Variants in REST observed in about 807,000 individuals in gnomAD.
REST encodes RE1-silencing transcription factor.
In REST, 1 loss-of-function variant was observed where a neutral mutation model predicts 30.4. The ratio of observed to expected loss-of-function variants is 0.03; its 90% CI spans 0.01 to 0.16. The LOEUF (loss-of-function observed/expected upper bound fraction) is 0.16, where lower values mean the gene tolerates loss of function less well. Among genes scored for constraint, REST ranks in the 10% least tolerant of loss-of-function variants. The pLI is 1.00. For missense variants in REST, 1,259 were observed against 1,329.5 expected (o/e 0.95, Z 0.82); for synonymous variants, 504 against 451.1 (o/e 1.12, Z -1.49).
At chr4:56,919,669 G>A in intron 2 of REST, 118 bp from the exon 3 acceptor site, 1 of 493,506 alleles carries the variant, frequency 2.0e-6, no homozygotes, top group Non-Finnish European at 3.6e-6. Flanking sequence ...GCCAGAAATA[G>A]GAAAAAAAAA....
At position 56,931,735 on chromosome 4, in the gene REST, C is replaced by T; in HGVS notation, c.2877C>T (p.Leu959=). The T allele has an allele frequency of 6.2e-7, 1 of 1,614,200 alleles. No homozygotes were observed. Among genetic ancestry groups the T allele is most frequent in the Non-Finnish European group, 8.5e-7 (1 of 1,180,028 alleles). The change falls in exon 4 of 4, where the codon CTC becomes CTT. Residue 959 remains leucine (L), a synonymous_variant. Transcript: ENST00000309042. ...MDTDQNTREN[L]TGINSTVEEP... is the part of the protein sequence containing the mutation. Reference sequence around the variant, plus strand: ...CTGATCAGAACACAAGAGAGAATCTCACTGGTATAAATTCAACAGTTGAAG... The same window carrying T: ...CTGATCAGAACACAAGAGAGAATCTTACTGGTATAAATTCAACAGTTGAAG...
At chr4:56,928,149 C>T (rs1206311046) in intron 3 of REST, among the ~76,000 whole-genome samples, 2 of 152,090 alleles carry the variant, frequency 1.3e-5, no homozygotes, top group Admixed American at 6.6e-5. Flanking sequence ...CTCTTGTCGC[C>T]CAGGCTGTAG....
rs1309039210 is a variant in REST at position 56,931,688 on chromosome 4, G to A, written c.2830G>A (p.Val944Ile). The A allele has an allele frequency of 1.2e-6, 2 of 1,614,220 alleles. No homozygotes were observed. Among genetic ancestry groups the A allele is most frequent in the Admixed American group, 1.7e-5 (1 of 60,020 alleles). Residue 944 changes from valine (V) to isoleucine (I), a missense_variant, in exon 4 of 4, where the codon GTT becomes ATT. Physicochemically the swap from Val to Ile is conservative, Grantham distance 29 (BLOSUM62 3). This residue lies in a region of REST where 856 missense variants were observed against 772.8 expected (regional missense o/e 1.11). Coordinates refer to ENST00000309042, the MANE Select transcript of REST (RefSeq NM_005612.5). Reference protein sequence around the residue: ...LNGKHQTDSIVCEMKMDTDQN... With the variant: ...LNGKHQTDSIICEMKMDTDQN... ...TGGTAAACATCAGACTGACAGTATAGTTTGTGAAATGAAAATGGACACTGA... is the reference window on the plus strand; with the variant it reads ...TGGTAAACATCAGACTGACAGTATAATTTGTGAAATGAAAATGGACACTGA...
In REST at chr4:56,919,783, G is replaced by T; in HGVS notation, c.899-4G>T. The T allele has an allele frequency of 2.5e-6, 4 of 1,588,954 alleles. No homozygotes were observed. The South Asian group carries it at 3.4e-5, about 13-fold the overall frequency. On this transcript the variant is annotated splice_polypyrimidine_tract_variant and splice_region_variant and intron_variant, in intron 2 of 3. Transcript: ENST00000309042. ...AACACTCTTATATTATTGAAATTTTGCAGGAGAACGCCCATATAAATGTGA... is the reference window on the plus strand; with the variant it reads ...AACACTCTTATATTATTGAAATTTTTCAGGAGAACGCCCATATAAATGTGA...
chr4:56,927,103 A>AG (rs1720748286), intron 3 of REST, among the ~76,000 whole-genome samples: 1 of 151,664 alleles, frequency 6.6e-6, no homozygotes, highest in African/African-American at 2.4e-5. Flanking sequence ...TCTCAAGAAA[A>AG]AAAAAAAAGA....
At chr4:56,923,762 C>G (rs1218594994) in intron 3 of REST, among the ~76,000 whole-genome samples, 1 of 150,346 alleles carries the variant, frequency 6.7e-6, no homozygotes, top group Non-Finnish European at 1.5e-5. Context: ...CTTGCTGTCG[C>G]CCAGGCTGGA....
At chr4:56,918,539 C>T (rs1335560547) in intron 2 of REST, among the ~76,000 whole-genome samples, 4 of 152,068 alleles carry the variant, frequency 2.6e-5, no homozygotes, top group African/African-American at 9.7e-5. Context: ...TTAAATTTTT[C>T]TTTTTAGCTT....
At chr4:56,912,965 T>A (rs554954771) in intron 2 of REST, among the ~76,000 whole-genome samples, 60 of 144,032 alleles carry the variant, frequency 4.2e-4, no homozygotes, top group African/African-American at 1.1e-3. Flanking sequence ...TTTTTTTTTT[T>A]AATTTCTTTT....
rs1264579931 is a variant in REST at position 56,929,835 on chromosome 4, C to T, written c.983-6C>T. 7 of 1,580,678 alleles carry T rather than the reference C, an allele frequency of 4.4e-6. No individual in the cohort carries two copies. In the South Asian group the frequency reaches 4.7e-5, roughly 11 times the overall value. On this transcript the variant is annotated splice_region_variant and splice_polypyrimidine_tract_variant and intron_variant, in intron 3 of 3. Transcript: ENST00000309042. Reference sequence around the variant, plus strand: ...GTCTTCTCTCATACTTTTGATTTGCCTTCAGGTGAGAAGCCATTTAAATGT... The same window carrying T: ...GTCTTCTCTCATACTTTTGATTTGCTTTCAGGTGAGAAGCCATTTAAATGT...
Position 56,932,165 on chromosome 4 carries a change from C to G in REST, c.*13C>G, listed in dbSNP as rs1289068538. The G allele has an allele frequency of 3.8e-6, 6 of 1,587,040 alleles. No individual in the cohort carries two copies. The highest frequency in any genetic ancestry group is 5.1e-6 in the Non-Finnish European group (6 of 1,166,800). On this transcript the variant is annotated 3_prime_UTR_variant, in exon 4 of 4. Transcript: ENST00000309042. ...AGGGCAGGAGTAATGAAACTTTGAACAAGGTTTCAGTTCTTAGTTTGTAAG... is the reference window on the plus strand; with the variant it reads ...AGGGCAGGAGTAATGAAACTTTGAAGAAGGTTTCAGTTCTTAGTTTGTAAG...
chr4:56,911,639 AG>A, intron 2 of REST, 103 bp downstream of exon 2: 1 of 973,942 alleles, frequency 1.0e-6, no homozygotes, highest in Non-Finnish European at 1.5e-6. Context: ...GTTCAAATCC[AG>A]GTTCCATTTT....
chr4:56,911,613 G>C, intron 2 of REST, 77 bp downstream of exon 2: 1 of 1,182,472 alleles, frequency 8.5e-7, no homozygotes, highest in Non-Finnish European at 1.2e-6. Flanking sequence ...AGTAGTGCTT[G>C]AGAAAAAGGA....
intron 2 of REST, among the ~76,000 whole-genome samples, 191 bp from the exon 3 acceptor site, chr4:56,919,596 A>G (rs1720358530): frequency 6.6e-6 from 1 of 152,232 alleles, no homozygotes; most frequent in Admixed American, 6.5e-5. Flanking sequence ...AGCCAAAATA[A>G]TGTAGTCATA....
rs751192765 is a variant in REST, at chr4:56,924,669, C to T, written c.982+4799C>T. On this transcript the variant is annotated intron_variant, in intron 3 of 3. Coordinates refer to ENST00000309042, the MANE Select transcript of REST (RefSeq NM_005612.5). ...TAGAGATGGAGTCTTACTATGTTGG[C>T]CCAGGCTGGTTTTGAACTCCTGGGC... Among the ~76,000 whole-genome samples the T allele has an allele frequency of 1.2e-4, 18 of 151,678 alleles. No individual in the cohort carries two copies. In the East Asian group the frequency reaches 2.7e-3, roughly 23 times the overall value.
rs1459899836 is a variant in REST, at chr4:56,919,794, C to G, written c.906C>G (p.Arg302=). The G allele has an allele frequency of 2.5e-6, 4 of 1,601,590 alleles. No individual in the cohort carries two copies. Among genetic ancestry groups the G allele is most frequent in the Non-Finnish European group, 3.4e-6 (4 of 1,170,912 alleles). ...VQHVRTHTGE[R]PYKCELCPYS... Reference sequence around the variant, plus strand: ...ATTATTGAAATTTTGCAGGAGAACGCCCATATAAATGTGAACTTTGTCCTT... The same window carrying G: ...ATTATTGAAATTTTGCAGGAGAACGGCCATATAAATGTGAACTTTGTCCTT... The change falls in exon 3 of 4, where the codon CGC becomes CGG. Residue 302 remains arginine, a synonymous_variant. Transcript: ENST00000309042.
In REST at chr4:56,930,570, A is replaced by G. The variant is rs1369415378; in HGVS notation, c.1712A>G (p.Gln571Arg). Residue 571 changes from glutamine to arginine, a missense_variant, in exon 4 of 4, where the codon CAA (glutamine) becomes CGA (arginine). Transcript: ENST00000309042. Reference sequence around the variant, plus strand: ...AGCAAAGTGGAGGAGAATAAAAAGCAAAATACTTGCATGAAAAAAAGTACA... The same window carrying G: ...AGCAAAGTGGAGGAGAATAAAAAGCGAAATACTTGCATGAAAAAAAGTACA... Reference protein sequence around the residue: ...GDSKVEENKKQNTCMKKSTKK... With the variant: ...GDSKVEENKKRNTCMKKSTKK... 1 of 1,612,230 alleles carries G rather than the reference A, an allele frequency of 6.2e-7. No homozygotes were observed. Among genetic ancestry groups the G allele is most frequent in the East Asian group, 2.2e-5 (1 of 44,884 alleles).
intron 2 of REST, among the ~76,000 whole-genome samples, chr4:56,916,404 G>A (rs1720196438): frequency 6.6e-6 from 1 of 152,202 alleles, no homozygotes; most frequent in African/African-American, 2.4e-5. Flanking sequence ...GCTCATGCCT[G>A]TAATCCCAGC....
At chr4:56,915,170 G>A (rs1216799468) in intron 2 of REST, among the ~76,000 whole-genome samples, 3 of 146,832 alleles carry the variant, frequency 2.0e-5, no homozygotes, top group South Asian at 2.2e-4. Context: ...TGATCCACCC[G>A]CCGCGGCCTC....
chr4:56,929,359 C>T (rs1448965577), intron 3 of REST, among the ~76,000 whole-genome samples: 1 of 152,118 alleles, frequency 6.6e-6, no homozygotes, highest in Non-Finnish European at 1.5e-5. Flanking sequence ...ATTTATTTTG[C>T]TCAGGTTGTT....
Sources: allele counts gnomAD v4.1 joint callset (sites outside exome capture counted in the v4.1 genomes callset), GRCh38; gene constraint gnomAD v4.1.1; regional missense constraint gnomAD v4.1.1; transcripts MANE v1.5; gene names NCBI Gene and HGNC (gene_info 2026-07-23, HGNC 2026-07-21).